The following C1orf21 variants were observed in gnomAD, a reference collection of about 807,000 sequenced individuals.
The protein encoded by C1orf21 is chromosome 1 open reading frame 21.
Under a neutral mutation model 18.7 loss-of-function variants are expected in C1orf21, and 3 were observed. The observed-to-expected ratio is 0.16, with a 90% CI of 0.07 to 0.42. The LOEUF (loss-of-function observed/expected upper bound fraction) is 0.42. Ranked by LOEUF, C1orf21 falls within the 10% of genes least tolerant of loss-of-function variation. The probability of loss-of-function intolerance (pLI) is 0.99; values close to 1 mark genes in which losing one functional copy is unlikely to be tolerated. For missense variants in C1orf21, 104 were observed against 143.6 expected, an observed-to-expected ratio of 0.72 and a Z score of 1.41; for synonymous variants, 41 against 46.4, an observed-to-expected ratio of 0.88 and a Z score of 0.47.
rs1001981541 is a variant in C1orf21 at position 184,598,302 on chromosome 1, A to G, written c.267-99A>G. Reference sequence around the variant, plus strand: ...CAGTGGAAAAGTCTGCAATAAATAAATGTCTTCCCCAAAGTTTGGGGACTC... The same window carrying G: ...CAGTGGAAAAGTCTGCAATAAATAAGTGTCTTCCCCAAAGTTTGGGGACTC... On this transcript the variant is annotated intron_variant, in intron 4 of 5. Transcript: ENST00000235307. The G allele has an allele frequency of 6.8e-5, 71 of 1,040,492 alleles. No individual in the cohort carries two copies. The Admixed American group carries it at 1.3e-3, about 19-fold the overall frequency. The allele number at this position is 1,040,492 out of a possible 1,614,324, so 64.5% of individuals were successfully genotyped here.
At chr1:184,539,816 G>A (rs1431664063) in intron 3 of C1orf21, among the ~76,000 whole-genome samples, 1 of 152,142 alleles carries the variant, frequency 6.6e-6, no homozygotes, top group African/African-American at 2.4e-5. Context: ...GGGGATATGT[G>A]TCACCTTTAA....
At chr1:184,590,846 G>A in intron 4 of C1orf21, 31 bp downstream of exon 4, 1 of 1,570,940 alleles carries the variant, frequency 6.4e-7, no homozygotes, top group Non-Finnish European at 8.8e-7. Context: ...TCCTTATATA[G>A]TCGGCCTTCC....
chr1:184,600,274 C>G (rs920719499), intron 5 of C1orf21, among the ~76,000 whole-genome samples: 1 of 151,916 alleles, frequency 6.6e-6, no homozygotes, highest in Non-Finnish European at 1.5e-5. Context: ...TCAAGTGATT[C>G]TCCTGCCTCA....
At chr1:184,418,732 A>G (rs1388474289) in intron 1 of C1orf21, among the ~76,000 whole-genome samples, 1 of 152,188 alleles carries the variant, frequency 6.6e-6, no homozygotes, top group Non-Finnish European at 1.5e-5. Flanking sequence ...CTCAGGCACT[A>G]CAGAAGGCTT....
At chr1:184,518,347 AT>A (rs1557992227) in intron 3 of C1orf21, among the ~76,000 whole-genome samples, 2 of 152,216 alleles carry the variant, frequency 1.3e-5, no homozygotes, top group African/African-American at 4.8e-5. Flanking sequence ...AATTATAATG[AT>A]TATTGTTATT....
intron 1 of C1orf21, among the ~76,000 whole-genome samples, chr1:184,410,648 TATATATATATATATA>T (rs1354762029): frequency 0.091 from 639 of 6,988 alleles, 121 homozygotes; most frequent in African/African-American, 0.16. Context: ...TATATATATA[TATATATATATATATA>T]TTTTTTTTTT....
chr1:184,550,471 GT>G (rs1292426947), intron 3 of C1orf21, among the ~76,000 whole-genome samples: 1 of 152,182 alleles, frequency 6.6e-6, no homozygotes, highest in Non-Finnish European at 1.5e-5. Context: ...AGACCTGGCT[GT>G]CGTGAAGTGA....
chr1:184,512,421 T>G (rs1658163724), intron 3 of C1orf21, among the ~76,000 whole-genome samples: 1 of 152,192 alleles, frequency 6.6e-6, no homozygotes, highest in Non-Finnish European at 1.5e-5. Flanking sequence ...CTCTTGAGCC[T>G]CTTGACATCA....
At chr1:184,456,744 A>C (rs74131681) in intron 1 of C1orf21, among the ~76,000 whole-genome samples, 3,692 of 152,260 alleles carry the variant, frequency 0.024, 78 homozygotes, top group African/African-American at 0.061. Context: ...CACACTTTGT[A>C]ACTTTATCTC....
chr1:184,520,863 T>G (rs1026227521), intron 3 of C1orf21, among the ~76,000 whole-genome samples: 7 of 152,348 alleles, frequency 4.6e-5, no homozygotes, highest in South Asian at 2.1e-4. Flanking sequence ...ATCATTTATG[T>G]TTTTATGCCT....
At chr1:184,592,006 A>C (rs1268961142) in intron 4 of C1orf21, among the ~76,000 whole-genome samples, 1 of 152,132 alleles carries the variant, frequency 6.6e-6, no homozygotes, top group Non-Finnish European at 1.5e-5. Flanking sequence ...AAACAGACAG[A>C]ACTAAGGCAT....
intron 5 of C1orf21, among the ~76,000 whole-genome samples, chr1:184,614,269 T>C (rs1659784783): frequency 6.6e-6 from 1 of 152,224 alleles, no homozygotes; most frequent in Non-Finnish European, 1.5e-5. Context: ...TATGCTTAAT[T>C]CCCACAACTC....
At chr1:184,429,451 A>G (rs1038686767) in intron 1 of C1orf21, among the ~76,000 whole-genome samples, 14 of 152,178 alleles carry the variant, frequency 9.2e-5, no homozygotes, top group African/African-American at 3.4e-4. Context: ...AAATTCTGTG[A>G]TTGTATGATT....
intron 3 of C1orf21, among the ~76,000 whole-genome samples, chr1:184,522,254 G>A (rs931602358): frequency 9.2e-5 from 14 of 152,074 alleles, no homozygotes; most frequent in African/African-American, 3.4e-4. Flanking sequence ...ATGTATATAT[G>A]TATAGATACA....
chr1:184,525,722 C>T (rs1218587041), intron 3 of C1orf21, among the ~76,000 whole-genome samples: 2 of 152,118 alleles, frequency 1.3e-5, no homozygotes, highest in African/African-American at 2.4e-5. Context: ...CTTTACAACT[C>T]AGGAAAATAA....
chr1:184,416,005 A>G (rs1202469300), intron 1 of C1orf21, among the ~76,000 whole-genome samples: 1 of 128,114 alleles, frequency 7.8e-6, no homozygotes, highest in East Asian at 2.0e-4. Flanking sequence ...AGTGAAAACA[A>G]TTTGGATAAC....
Position 184,591,785 on chromosome 1 carries a change from G to A in C1orf21, c.266+970G>A, listed in dbSNP as rs141262442. On this transcript the variant is annotated intron_variant, in intron 4 of 5. Transcript: ENST00000235307. ...GGCGCCACTGCACTCCAGCCTGGGC[G>A]ACAGAGCGAGACTCCATCTCAAGGA... is the stretch of plus-strand genomic sequence containing the variant. Among the ~76,000 whole-genome samples the A allele has an allele frequency of 2.6e-3, 389 of 151,028 alleles. 1 individual carries two copies. Among genetic ancestry groups the A allele is most frequent in the African/African-American group, 9.2e-3 (376 of 41,018 alleles).
rs1491090168 is a variant in C1orf21, at chr1:184,617,902, TTG to T, written c.328-1614_328-1613del. Among the ~76,000 whole-genome samples, 128 of 118,122 alleles carry T rather than the reference TTG, an allele frequency of 1.1e-3. 3 individuals carry two copies. Among genetic ancestry groups the T allele is most frequent in the Middle Eastern group, 4.2e-3 (1 of 240 alleles). The allele number at this position is 118,122 out of a possible 152,430, so 77.5% of individuals were successfully genotyped here. On this transcript the variant is annotated intron_variant, in intron 5 of 5. Coordinates refer to ENST00000235307, the MANE Select transcript of C1orf21 (RefSeq NM_030806.4). ...TTCATTGTGTGGCAGTTTGTTGTTG[TTG>T]TTTTTTTTTTTTTTTTTTTTTTTGA...
intron 3 of C1orf21, among the ~76,000 whole-genome samples, chr1:184,523,646 C>T (rs1266937153): frequency 6.6e-6 from 1 of 152,058 alleles, no homozygotes; most frequent in Non-Finnish European, 1.5e-5. Flanking sequence ...TATCTAATGT[C>T]AGATGTTACT....
Sources: allele counts gnomAD v4.1 joint callset (sites outside exome capture counted in the v4.1 genomes callset), GRCh38; gene constraint gnomAD v4.1.1; transcripts MANE v1.5; gene names NCBI Gene and HGNC (gene_info 2026-07-23, HGNC 2026-07-21).